MTUS1: variants seen among roughly 807,000 people sequenced by gnomAD.
The protein encoded by MTUS1 is microtubule-associated tumor suppressor 1.
MTUS1 carries 109 observed loss-of-function variants against 120.8 expected under a neutral mutation model. That is an observed-to-expected ratio of 0.90 (90% confidence interval 0.77 to 1.06). The LOEUF is 1.06. Ranked by LOEUF, MTUS1 falls within the 50% of genes least tolerant of loss-of-function variation. The probability of loss-of-function intolerance (pLI) is 0.00; values close to 1 mark genes in which losing one functional copy is unlikely to be tolerated. For synonymous variants in MTUS1, 737 were observed against 550.5 expected (o/e 1.34, Z -4.74); for missense variants, 2,210 against 1,486.3 (o/e 1.49, Z -8.01).
At chr8:17,712,645 T>C (rs1389938418) in intron 6 of MTUS1, among the ~76,000 whole-genome samples, 1 of 152,140 alleles carries the variant, frequency 6.6e-6, no homozygotes, top group African/African-American at 2.4e-5. Context: ...AGCCTATCTG[T>C]CGGTCTGTCT....
intron 5 of MTUS1, among the ~76,000 whole-genome samples, chr8:17,713,732 T>G (rs934172579): frequency 6.6e-6 from 1 of 152,020 alleles, no homozygotes; most frequent in African/African-American, 2.4e-5. Flanking sequence ...TCAGGAGGGG[T>G]AATAGGTACA....
At chr8:17,709,527 A>AT (rs1820847017) in intron 6 of MTUS1, among the ~76,000 whole-genome samples, 1 of 152,106 alleles carries the variant, frequency 6.6e-6, no homozygotes, top group East Asian at 1.9e-4. Context: ...GACACTCACA[A>AT]TGTGTGAACA....
intron 4 of MTUS1, chr8:17,721,615 A>G: frequency 7.2e-7 from 1 of 1,379,952 alleles, no homozygotes; most frequent in Admixed American, 2.7e-5. Flanking sequence ...ATAAATTACA[A>G]GTTACAAAAA....
At chr8:17,796,945 C>G (rs2052289576) in intron 1 of MTUS1, among the ~76,000 whole-genome samples, 1 of 152,116 alleles carries the variant, frequency 6.6e-6, no homozygotes, top group Non-Finnish European at 1.5e-5. Context: ...AACCCTGTCT[C>G]CACTAAAAAT....
At chr8:17,739,265 G>A (rs185642491) in intron 3 of MTUS1, among the ~76,000 whole-genome samples, 8 of 152,166 alleles carry the variant, frequency 5.3e-5, no homozygotes, top group Non-Finnish European at 7.4e-5. Flanking sequence ...AGGCCGAGGC[G>A]GGTGGATCAC....
chr8:17,725,586 T>C (rs1453168639), intron 3 of MTUS1, among the ~76,000 whole-genome samples: 3 of 152,206 alleles, frequency 2.0e-5, no homozygotes, highest in South Asian at 2.1e-4. Context: ...TAAACTGTAT[T>C]GGACTCCTAA....
chr8:17,696,521 A>G (rs570824918), intron 6 of MTUS1, among the ~76,000 whole-genome samples: 4 of 152,340 alleles, frequency 2.6e-5, no homozygotes, highest in Middle Eastern at 3.4e-3. Flanking sequence ...AACTGATTTA[A>G]TTTACTGTAG....
chr8:17,771,947 CAG>C (rs896728930), intron 1 of MTUS1, among the ~76,000 whole-genome samples: 2 of 152,178 alleles, frequency 1.3e-5, no homozygotes, highest in Non-Finnish European at 2.9e-5. Context: ...ATTCTATGGA[CAG>C]AAACTTCACT....
intron 6 of MTUS1, among the ~76,000 whole-genome samples, chr8:17,712,464 G>C (rs542713575): frequency 2.6e-5 from 4 of 152,168 alleles, no homozygotes; most frequent in East Asian, 1.9e-4. Context: ...AGCCTCCTGA[G>C]TGGCTGGGAC....
intron 6 of MTUS1, among the ~76,000 whole-genome samples, chr8:17,700,572 T>A (rs1818871369): frequency 6.6e-6 from 1 of 151,868 alleles, no homozygotes; most frequent in African/African-American, 2.4e-5. Flanking sequence ...GATCTCAACA[T>A]TAAACAAAAA....
chr8:17,754,643 G>A lies in MTUS1; in HGVS notation c.1165C>T (p.Gln389Ter), dbSNP rs911006193. The A allele has an allele frequency of 3.1e-6, 5 of 1,614,156 alleles. No homozygotes were observed. The Middle Eastern group carries it at 8.2e-4, about 266-fold the overall frequency. Residue 389 changes from glutamine (Q) to a stop codon, truncating the protein, a stop_gained, in exon 2 of 15, where the codon CAA (glutamine) becomes TAA (stop). Transcript: ENST00000693296. LOFTEE classifies it high-confidence loss of function. Reference protein sequence around the residue: ...MVSKGKDLGTQNHTSELILSS... With the variant: ...MVSKGKDLGT ...AGAATCAATTCTGAGGTATGATTTT[G>A]GGTTCCCAAATCCTTTCCTTTGGAG... is the stretch of plus-strand genomic sequence containing the variant.
rs1350041744 is a variant in MTUS1 at position 17,645,394 on chromosome 8, A to T, written c.*532T>A. Reference sequence around the variant, plus strand: ...GGCTTTGGCTGAAATGTATATGCTGATTGATTGATTATTATTTGATTAGTA... The same window carrying T: ...GGCTTTGGCTGAAATGTATATGCTGTTTGATTGATTATTATTTGATTAGTA... On this transcript the variant is annotated 3_prime_UTR_variant, in exon 15 of 15. Transcript: ENST00000693296. 7.3e-6 allele frequency: 1 copy of T among 136,476 alleles called. No individual in the cohort carries two copies. Among genetic ancestry groups the T allele is most frequent in the Non-Finnish European group, 1.6e-5 (1 of 63,796 alleles). 8.5% of individuals were successfully genotyped at this position (136,476 alleles called of 1,614,324 possible). A position where few individuals can be genotyped will look rare whatever the true frequency, so the allele number is the denominator to read the frequency against.
chr8:17,754,042 T>G lies in MTUS1; in HGVS notation c.1766A>C (p.His589Pro). Residue 589 changes from histidine (H) to proline (P), a missense_variant, in exon 2 of 15, where the codon CAT becomes CCT. Physicochemically the swap from His to Pro is moderately conservative, Grantham distance 77. Transcript: ENST00000693296. ...AGCATTTTTAGAATGAGTTGTAACATGCACAGCCTGGCTAGTAATGAGTTT... is the reference window on the plus strand; with the variant it reads ...AGCATTTTTAGAATGAGTTGTAACAGGCACAGCCTGGCTAGTAATGAGTTT... ...FNKLITSQAV[H>P]VTTHSKNASH... The G allele has an allele frequency of 6.8e-6, 11 of 1,614,198 alleles. No homozygotes were observed. The highest frequency in any genetic ancestry group is 9.3e-6 in the Non-Finnish European group (11 of 1,180,026).
rs545460199 is a variant in MTUS1 at position 17,710,716 on chromosome 8, CTT to C, written c.2623+2496_2623+2497del. Among the ~76,000 whole-genome samples, 299 of 152,326 alleles carry C rather than the reference CTT, an allele frequency of 2.0e-3. 5 individuals are homozygous for C. Among genetic ancestry groups the C allele is most frequent in the African/African-American group, 7.0e-3 (290 of 41,576 alleles). ...CCCTTTTCAGAAGGTTTTCAACTGA[CTT>C]TGCCCCGTTCCATCAGAGGAATCAG... On this transcript the variant is annotated intron_variant, in intron 6 of 14. Transcript: ENST00000693296.
At chr8:17,751,771 T>C (rs202223889) in intron 2 of MTUS1, among the ~76,000 whole-genome samples, 1 of 147,514 alleles carries the variant, frequency 6.8e-6, no homozygotes, top group Non-Finnish European at 1.5e-5. Flanking sequence ...GGCAGGAGAA[T>C]TGCTTGAACC....
chr8:17,751,331 G>T (rs1216986034), intron 2 of MTUS1, among the ~76,000 whole-genome samples: 5 of 152,052 alleles, frequency 3.3e-5, no homozygotes, highest in Non-Finnish European at 7.4e-5. Context: ...CTCCAGCATG[G>T]TCTCTTCGTC....
intron 6 of MTUS1, chr8:17,691,875 C>A (rs755913243): frequency 3.3e-5 from 5 of 152,176 alleles, no homozygotes; most frequent in African/African-American, 1.2e-4. Flanking sequence ...ATTAAGCATA[C>A]AAAAGCCACA....
chr8:17,777,388 G>A (rs951165525), intron 1 of MTUS1, among the ~76,000 whole-genome samples: 1 of 151,128 alleles, frequency 6.6e-6, no homozygotes. Flanking sequence ...GCAGTGAGTT[G>A]AGATCACACC....
chr8:17,767,395 G>A (rs529273356), intron 1 of MTUS1, among the ~76,000 whole-genome samples: 101 of 151,754 alleles, frequency 6.7e-4, no homozygotes, highest in African/African-American at 2.3e-3. Flanking sequence ...TAAAAAAAAA[G>A]AGTGAGAGGA....
Sources: allele counts gnomAD v4.1 joint callset (sites outside exome capture counted in the v4.1 genomes callset), GRCh38; gene constraint gnomAD v4.1.1; transcripts MANE v1.5; gene names NCBI Gene and HGNC (gene_info 2026-07-23, HGNC 2026-07-21).